Variants in HYCC2 observed in about 807,000 individuals in gnomAD.
HYCC2 encodes hyccin PI4KA lipid kinase complex subunit 2.
At chr2:200,984,082 T>C in the HYCC2 span, among the ~76,000 whole-genome samples, 4 of 152,158 alleles carry the variant, frequency 2.6e-5, no homozygotes, top group Admixed American at 6.6e-5. Context: ...CTCTGTTGTA[T>C]AGGCTGGAGT....
chr2:201,009,143 G>A, the HYCC2 span: 1 of 1,042,086 alleles, frequency 9.6e-7, no homozygotes, highest in Non-Finnish European at 1.5e-6. Flanking sequence ...GTAAAAATCT[G>A]TATCATGTAA....
At chr2:200,993,445 A>C in the HYCC2 span, among the ~76,000 whole-genome samples, 1 of 152,186 alleles carries the variant, frequency 6.6e-6, no homozygotes, top group South Asian at 2.1e-4. Flanking sequence ...AAGAACTATA[A>C]ACAACTCCCT....
chr2:201,034,028 T>C, the HYCC2 span, among the ~76,000 whole-genome samples: 2 of 151,702 alleles, frequency 1.3e-5, no homozygotes, highest in African/African-American at 4.8e-5. Context: ...TTTAAATTCC[T>C]ATTTGATCTT....
At chr2:201,024,076 A>G in the HYCC2 span, 2 of 1,132,346 alleles carry the variant, frequency 1.8e-6, no homozygotes, top group South Asian at 1.3e-5. Flanking sequence ...GGACAGTAGT[A>G]CTTATAGGAA....
the HYCC2 span, chr2:201,017,319 T>A: frequency 1.6e-6 from 1 of 626,182 alleles, no homozygotes. Flanking sequence ...AACCTTTGTG[T>A]AAAGAGACCA....
At chr2:201,064,092 T>C in the HYCC2 span, 1 of 1,501,500 alleles carries the variant, frequency 6.7e-7, no homozygotes, top group Non-Finnish European at 9.1e-7. Context: ...GCCAGAGAAG[T>C]GACAGGGAAG....
the HYCC2 span, among the ~76,000 whole-genome samples, chr2:201,020,011 G>T: frequency 7.9e-5 from 12 of 152,076 alleles, no homozygotes; most frequent in Non-Finnish European, 1.6e-4. Flanking sequence ...ATGAGTCCAG[G>T]AGTTTGAGGT....
At chr2:201,006,125 C>T in the HYCC2 span, among the ~76,000 whole-genome samples, 2 of 146,968 alleles carry the variant, frequency 1.4e-5, no homozygotes, top group Non-Finnish European at 3.0e-5. Context: ...AGCTATCGCG[C>T]CTGGCTTTTT....
chr2:201,071,159 G>A, the HYCC2 span, among the ~76,000 whole-genome samples: 2 of 152,216 alleles, frequency 1.3e-5, no homozygotes, highest in African/African-American at 2.4e-5. Flanking sequence ...CTGACCGCCA[G>A]TAAATATTTT....
At chr2:201,030,448 ATATATT>A in the HYCC2 span, among the ~76,000 whole-genome samples, 2 of 152,238 alleles carry the variant, frequency 1.3e-5, no homozygotes, top group South Asian at 2.1e-4. Flanking sequence ...GTATTTATAT[ATATATT>A]TATAACATGT....
chr2:201,056,567 C>T, the HYCC2 span, among the ~76,000 whole-genome samples: 1 of 150,350 alleles, frequency 6.7e-6, no homozygotes, highest in African/African-American at 2.5e-5. Flanking sequence ...CCAGCTACTC[C>T]GGAGGCTGAG....
At chr2:201,066,353 C>T in the HYCC2 span, among the ~76,000 whole-genome samples, 3 of 152,142 alleles carry the variant, frequency 2.0e-5, no homozygotes, top group East Asian at 5.8e-4. Flanking sequence ...GGATTACAGG[C>T]GTGAGCCACT....
chr2:201,007,672 A>C, the HYCC2 span, among the ~76,000 whole-genome samples: 4 of 152,206 alleles, frequency 2.6e-5, no homozygotes, highest in Non-Finnish European at 5.9e-5. Flanking sequence ...TTCAGGCCGG[A>C]CTGACCACAT....
the HYCC2 span, among the ~76,000 whole-genome samples, chr2:201,065,828 G>A: frequency 6.6e-6 from 1 of 152,082 alleles, no homozygotes; most frequent in Non-Finnish European, 1.5e-5. Context: ...AGGAACTAAA[G>A]TTAAAGGGAA....
At chr2:201,013,705 G>C in the HYCC2 span, among the ~76,000 whole-genome samples, 1 of 152,016 alleles carries the variant, frequency 6.6e-6, no homozygotes, top group African/African-American at 2.4e-5. Flanking sequence ...ACCACATCTG[G>C]GCCACTGTGC....
the HYCC2 span, among the ~76,000 whole-genome samples, chr2:201,014,584 A>G: frequency 6.6e-6 from 1 of 152,276 alleles, no homozygotes; most frequent in East Asian, 1.9e-4. Flanking sequence ...TAAAACACCT[A>G]ATAAGTGGCA....
chr2:201,049,726 T>C, the HYCC2 span, among the ~76,000 whole-genome samples: 1 of 152,006 alleles, frequency 6.6e-6, no homozygotes, highest in African/African-American at 2.4e-5. Context: ...TCAAAAAAGA[T>C]GATGGCATGC....
At chr2:201,023,889 A>G in the HYCC2 span, 2 of 1,149,846 alleles carry the variant, frequency 1.7e-6, no homozygotes, top group Non-Finnish European at 2.6e-6. Flanking sequence ...TTCTCCATAG[A>G]GCACATATTC....
chr2:201,060,366 A>G, the HYCC2 span, among the ~76,000 whole-genome samples: 1 of 152,218 alleles, frequency 6.6e-6, no homozygotes, highest in Non-Finnish European at 1.5e-5. Context: ...GTATAGCCAA[A>G]TGACTATGTT....
Sources: allele counts gnomAD v4.1 joint callset (sites outside exome capture counted in the v4.1 genomes callset), GRCh38; gene constraint gnomAD v4.1.1; transcripts MANE v1.5; gene names NCBI Gene and HGNC (gene_info 2026-07-23, HGNC 2026-07-21).